IRAG1: variants seen among roughly 807,000 people sequenced by gnomAD.
The protein encoded by IRAG1 is IP3R-associated cGMP kinase substrate.
Under a neutral mutation model 106.2 loss-of-function variants are expected in IRAG1, and 62 were observed. The observed-to-expected ratio is 0.58, with a 90% CI of 0.48 to 0.72. IRAG1 has a LOEUF of 0.72. Ranked by LOEUF, IRAG1 falls within the 30% of genes least tolerant of loss-of-function variation. The pLI is 0.00. For synonymous variants in IRAG1, 462 were observed against 443.9 expected (o/e 1.04, Z -0.51); for missense variants, 1,064 against 1,140.7 (o/e 0.93, Z 0.97).
In IRAG1 at chr11:10,679,737, G is replaced by C. The variant is rs114058317; in HGVS notation, c.67+13799C>G. On this transcript the variant is annotated intron_variant, in intron 1 of 20. Coordinates refer to ENST00000423302, the MANE Select transcript of IRAG1 (RefSeq NM_130385.4). ...TAACCACTTATCCCAAAGTTGTATAGAGTTCTGTACAACTCCAGATCTGGG... is the reference window on the plus strand; with the variant it reads ...TAACCACTTATCCCAAAGTTGTATACAGTTCTGTACAACTCCAGATCTGGG... Among the ~76,000 whole-genome samples the C allele has an allele frequency of 8.9e-3, 1,357 of 152,326 alleles. 24 individuals are homozygous for C. Among genetic ancestry groups the C allele is most frequent in the African/African-American group, 0.031 (1,288 of 41,550 alleles).
intron 15 of IRAG1, among the ~76,000 whole-genome samples, chr11:10,595,181 G>A (rs922352831): frequency 2.0e-5 from 3 of 151,106 alleles, no homozygotes; most frequent in Admixed American, 6.6e-5. Flanking sequence ...CGCCTCGGCC[G>A]CCCAAGGTGC....
rs1023074342 is a variant in IRAG1 at position 10,628,740 on chromosome 11, C to T, written c.652+11G>A. On this transcript the variant is annotated intron_variant, in intron 6 of 20. Coordinates refer to ENST00000423302, the MANE Select transcript of IRAG1 (RefSeq NM_130385.4). This position sits in a 1 kb window ranked among gnomAD's most constrained non-coding sequence, Gnocchi z 4.1. ...GGCAGGGCAGGAAGTCCCCGGGCAG[C>T]TGGGCCTCACCTGGCGGGGTGGGGA... 2 of 1,527,710 alleles carry T rather than the reference C, an allele frequency of 1.3e-6. No homozygotes were observed. Among genetic ancestry groups the T allele is most frequent in the Non-Finnish European group, 8.7e-7 (1 of 1,142,882 alleles). 94.6% of individuals were successfully genotyped at this position (1,527,710 alleles called of 1,614,324 possible).
chr11:10,673,447 GAA>G (rs1860408916), intron 1 of IRAG1, among the ~76,000 whole-genome samples: 1 of 152,112 alleles, frequency 6.6e-6, no homozygotes, highest in South Asian at 2.1e-4. Context: ...CCATAATAGA[GAA>G]AGCTATAGAG....
intron 3 of IRAG1, among the ~76,000 whole-genome samples, chr11:10,633,278 T>G (rs1465303859): frequency 9.9e-5 from 15 of 152,148 alleles, no homozygotes; most frequent in Admixed American, 7.8e-4. Context: ...GGTTTCACTG[T>G]GTTAGCCAGG....
At chr11:10,651,290 T>C (rs938558471) in intron 2 of IRAG1, among the ~76,000 whole-genome samples, 1 of 152,234 alleles carries the variant, frequency 6.6e-6, no homozygotes, top group Non-Finnish European at 1.5e-5. Context: ...AAAGAGATCC[T>C]TGGGGAAATG....
intron 18 of IRAG1, among the ~76,000 whole-genome samples, chr11:10,589,420 A>G (rs1426198456): frequency 1.3e-5 from 2 of 151,996 alleles, no homozygotes; most frequent in Non-Finnish European, 2.9e-5. Flanking sequence ...TTTCCACTTT[A>G]TATTTATTTA....
intron 10 of IRAG1, among the ~76,000 whole-genome samples, chr11:10,610,179 G>A (rs1479956655): frequency 1.3e-5 from 2 of 152,220 alleles, no homozygotes; most frequent in East Asian, 3.8e-4. Flanking sequence ...GAAGCTGGTT[G>A]GCTCTTTGGC....
intron 1 of IRAG1, among the ~76,000 whole-genome samples, chr11:10,692,662 C>G (rs1862150601): frequency 6.6e-6 from 1 of 152,220 alleles, no homozygotes; most frequent in African/African-American, 2.4e-5. Flanking sequence ...CAGTGAGCAG[C>G]CTGAAGAGTG....
chr11:10,690,209 A>G, intron 1 of IRAG1: 1 of 346,488 alleles, frequency 2.9e-6, no homozygotes, highest in South Asian at 2.2e-5. Flanking sequence ...GGGCAACATG[A>G]CAAAACTCCA....
intron 1 of IRAG1, among the ~76,000 whole-genome samples, chr11:10,655,972 G>A (rs1344444048): frequency 1.3e-5 from 2 of 152,060 alleles, no homozygotes; most frequent in Admixed American, 1.3e-4. Context: ...CCATTCCCAC[G>A]CTGCTCCTGC....
intron 20 of IRAG1, 127 bp downstream of exon 20, chr11:10,580,328 T>A: frequency 7.0e-7 from 1 of 1,428,146 alleles, no homozygotes; most frequent in East Asian, 2.3e-5. Flanking sequence ...TTTCTTGGGC[T>A]ACTCACTGGG....
chr11:10,593,265 T>C (rs1451892834), intron 17 of IRAG1: 2 of 380,728 alleles, frequency 5.3e-6, no homozygotes, highest in Non-Finnish European at 9.6e-6. Flanking sequence ...CAAAGAACGC[T>C]GAGCTGCCAA....
intron 20 of IRAG1, among the ~76,000 whole-genome samples, chr11:10,577,426 G>C (rs1850938676): frequency 6.6e-6 from 1 of 151,736 alleles, no homozygotes; most frequent in Admixed American, 6.6e-5. Flanking sequence ...AAAGACACCG[G>C]GCAGATGGCC....
At chr11:10,605,247 C>T (rs1854383244) in intron 12 of IRAG1, among the ~76,000 whole-genome samples, 1 of 152,226 alleles carries the variant, frequency 6.6e-6, no homozygotes. Context: ...ATGGACCTCA[C>T]TCAGGAAGGA....
chr11:10,670,376 C>T (rs961373442), intron 1 of IRAG1, among the ~76,000 whole-genome samples: 2 of 152,124 alleles, frequency 1.3e-5, no homozygotes. Flanking sequence ...TTAGAGTAGT[C>T]CTTAACTAAA....
intron 4 of IRAG1, among the ~76,000 whole-genome samples, chr11:10,630,793 C>T (rs189126125): frequency 1.9e-4 from 29 of 152,340 alleles, no homozygotes; most frequent in African/African-American, 6.5e-4. Context: ...GGGTTCCATT[C>T]GTCTTTGGGC....
intron 8 of IRAG1, among the ~76,000 whole-genome samples, chr11:10,627,347 C>T (rs1035888971): frequency 7.2e-5 from 11 of 152,180 alleles, no homozygotes; most frequent in African/African-American, 2.2e-4. Flanking sequence ...GAGGTTTTCC[C>T]GGCTTCCCCA....
At position 10,626,251 on chromosome 11, in the gene IRAG1, CT is replaced by C; in HGVS notation, c.1082del (p.Gln361ArgfsTer91). On this transcript the variant is annotated frameshift_variant, in exon 9 of 21. Transcript: ENST00000423302. LOFTEE classifies it high-confidence loss of function. ...TCGGCTCTCCAGCTGGGCCTCTCCC[CT>C]GGGAGGCTGGGGGACCCACTCCTGC... ...DAAGVGPPASQGRGPAGEPMG... is the reference protein window; with the variant it reads ...DAAGVGPPASXGRGPAGEPMG... 1 of 1,608,438 alleles carries C rather than the reference CT, an allele frequency of 6.2e-7. No individual in the cohort carries two copies. The highest frequency in any genetic ancestry group is 1.1e-5 in the South Asian group (1 of 90,538).
rs781332359 is a variant in IRAG1 at position 10,626,102 on chromosome 11, G to A, written c.1232C>T (p.Ala411Val). 4 of 1,546,280 alleles carry A rather than the reference G, an allele frequency of 2.6e-6. No homozygotes were observed. In the Admixed American group the frequency reaches 8.3e-5, roughly 32 times the overall value. Residue 411 changes from alanine (A) to valine (V), a missense_variant, in exon 9 of 21, where the codon GCC becomes GTC. Physicochemically the swap from Ala to Val is moderately conservative, Grantham distance 64. Transcript: ENST00000423302. ...TTCTTCCTCTGCCAGTGGCAGCTTG[G>A]CAAGCACTTTCTGCAGCCGGGGGCC... ...EPGPRLQKVLAKLPLAEEEKR... is the reference protein window; with the variant it reads ...EPGPRLQKVLVKLPLAEEEKR...
Sources: gnomAD v4.1 joint callset for allele counts (sites outside exome capture counted in the v4.1 genomes callset) on GRCh38, gnomAD v4.1.1 for gene constraint, Gnocchi (gnomAD v3.1) non-coding constraint, MANE v1.5 for transcripts, NCBI Gene and HGNC (gene_info 2026-07-23, HGNC 2026-07-21) for gene names.